PON3: variants seen among roughly 807,000 people sequenced by gnomAD.
The protein encoded by PON3 is paraoxonase 3, also known as serum paraoxonase/lactonase 3.
PON3 carries 37 observed loss-of-function variants against 36.3 expected under a neutral mutation model. The ratio of observed to expected loss-of-function variants is 1.02; its 90% CI spans 0.78 to 1.34. The LOEUF (loss-of-function observed/expected upper bound fraction) is 1.34, where lower values mean the gene tolerates loss of function less well. Ranked by LOEUF, PON3 falls within the 40% of genes most tolerant of loss-of-function variation. The pLI is 0.00. For synonymous variants in PON3, 155 were observed against 154.8 expected (o/e 1.00, Z -0.01); for missense variants, 415 against 426.5 (o/e 0.97, Z 0.24).
intron 3 of PON3, among the ~76,000 whole-genome samples, chr7:95,376,970 G>T (rs1319028068): frequency 1.3e-5 from 2 of 152,228 alleles, no homozygotes; most frequent in Non-Finnish European, 2.9e-5. Flanking sequence ...AGTGCAAGGG[G>T]TCAGGGGATT....
rs1401924666 is a variant in PON3, at chr7:95,372,198, A to C, written c.342T>G (p.His114Gln). ...CTTTGTCGATGAAAATACTGATCCC[A>C]TGTGGATTAAATAATTCTTTGTCAA... Reference protein sequence around the residue: ...GGFDKELFNPHGISIFIDKDN... With the variant: ...GGFDKELFNPQGISIFIDKDN... The change falls in exon 4 of 9, where the codon CAT (histidine) becomes CAG (glutamine). Residue 114 changes from histidine to glutamine, a missense_variant. His to Gln is a conservative substitution (Grantham distance 24). Transcript: ENST00000265627. The C allele has an allele frequency of 6.2e-7, 1 of 1,613,800 alleles. No homozygotes were observed. The highest frequency in any genetic ancestry group is 1.3e-5 in the African/African-American group (1 of 75,038).
At chr7:95,393,934 G>A (rs773937994) in intron 2 of PON3, among the ~76,000 whole-genome samples, 9 of 151,946 alleles carry the variant, frequency 5.9e-5, no homozygotes, top group African/African-American at 1.5e-4. Flanking sequence ...TCGCTCTGTC[G>A]CCAGGCTGGA....
chr7:95,380,441 T>G (rs1809021268), intron 3 of PON3, among the ~76,000 whole-genome samples: 1 of 152,090 alleles, frequency 6.6e-6, no homozygotes, highest in Non-Finnish European at 1.5e-5. Flanking sequence ...GACAAAGAAG[T>G]TAAAAACCTT....
At chr7:95,367,528 C>T (rs1421141644) in intron 4 of PON3, 40 bp from the exon 5 acceptor site, 3 of 1,601,626 alleles carry the variant, frequency 1.9e-6, no homozygotes, top group East Asian at 2.2e-5. Flanking sequence ...AAAGTTACCC[C>T]TATCACAACT....
chr7:95,378,588 G>T (rs953061330), intron 3 of PON3, among the ~76,000 whole-genome samples: 1 of 152,142 alleles, frequency 6.6e-6, no homozygotes, highest in Non-Finnish European at 1.5e-5. Context: ...GAAGAGAGTG[G>T]GGGCCAATAT....
chr7:95,395,349 T>G (rs1314589309), intron 1 of PON3, among the ~76,000 whole-genome samples: 24 of 152,228 alleles, frequency 1.6e-4, no homozygotes, highest in Admixed American at 1.6e-3. Context: ...AAAATTTTTA[T>G]TAAAGTATAT....
intron 3 of PON3, among the ~76,000 whole-genome samples, chr7:95,379,836 G>A (rs1355054215): frequency 6.6e-6 from 1 of 152,166 alleles, no homozygotes; most frequent in Non-Finnish European, 1.5e-5. Context: ...GTCCCTATCT[G>A]ACAGCTTTGA....
chr7:95,390,090 A>T, intron 3 of PON3, 64 bp downstream of exon 3: 1 of 1,473,342 alleles, frequency 6.8e-7, no homozygotes, highest in Non-Finnish European at 9.5e-7. Context: ...TCCAGAGGAC[A>T]ACATTAATGC....
At position 95,372,183 on chromosome 7, in the gene PON3, G is replaced by T; in HGVS notation, c.357C>A (p.Phe119Leu). The change falls in exon 4 of 9, where the codon TTC becomes TTA. Residue 119 changes from phenylalanine (F) to leucine (L), a missense_variant. Phe to Leu is a conservative substitution (Grantham distance 22). Coordinates refer to ENST00000265627, the MANE Select transcript of PON3 (RefSeq NM_000940.3). ...ACATACAGGTTTTACCTTTGTCGATGAAAATACTGATCCCATGTGGATTAA... is the reference window on the plus strand; with the variant it reads ...ACATACAGGTTTTACCTTTGTCGATTAAAATACTGATCCCATGTGGATTAA... ...ELFNPHGISI[F>L]IDKDNTVYLY... 1 of 1,613,512 alleles carries T rather than the reference G, an allele frequency of 6.2e-7. No homozygotes were observed. The highest frequency in any genetic ancestry group is 8.5e-7 in the Non-Finnish European group (1 of 1,179,550).
In PON3 at chr7:95,372,233, T is replaced by G. The variant is rs1314959925; in HGVS notation, c.307A>C (p.Ser103Arg). 4.3e-6 allele frequency: 7 copies of G among 1,613,752 alleles called. No homozygotes were observed. The highest frequency in any genetic ancestry group is 4.0e-5 in the African/African-American group (3 of 74,922). ...AATAATTCTTTGTCAAATCCACCAC[T>G]GATTTCTAGCGCTTGTGCCCTTGGG... is the stretch of plus-strand genomic sequence containing the variant. ...QNPRAQALEI[S>R]GGFDKELFNP... The change falls in exon 4 of 9, where the codon AGT becomes CGT. Residue 103 changes from serine (S) to arginine (R), a missense_variant. Ser to Arg is a moderately radical substitution (Grantham distance 110, BLOSUM62 -1). Coordinates refer to ENST00000265627, the MANE Select transcript of PON3 (RefSeq NM_000940.3).
intron 2 of PON3, among the ~76,000 whole-genome samples, chr7:95,392,688 G>C (rs1809344184): frequency 6.6e-6 from 1 of 152,232 alleles, no homozygotes; most frequent in Non-Finnish European, 1.5e-5. Context: ...AACCTAAGCA[G>C]AATGTTTTGG....
At chr7:95,383,257 G>T (rs934141069) in intron 3 of PON3, among the ~76,000 whole-genome samples, 2 of 152,002 alleles carry the variant, frequency 1.3e-5, no homozygotes, top group African/African-American at 4.8e-5. Flanking sequence ...TACTGAATGG[G>T]CAAAAACTGG....
chr7:95,394,485 C>T (rs1028435389), intron 2 of PON3, among the ~76,000 whole-genome samples, 159 bp downstream of exon 2: 1 of 152,140 alleles, frequency 6.6e-6, no homozygotes, highest in African/African-American at 2.4e-5. Context: ...TCATTTAGTA[C>T]ACCCCTGAAG....
chr7:95,394,222 G>A (rs1809381019), intron 2 of PON3, among the ~76,000 whole-genome samples: 2 of 152,078 alleles, frequency 1.3e-5, no homozygotes, highest in African/African-American at 4.8e-5. Context: ...GAGGGGAGGG[G>A]CTGAGTCATA....
chr7:95,362,292 C>A, intron 8 of PON3, 70 bp downstream of exon 8: 6 of 1,588,320 alleles, frequency 3.8e-6, no homozygotes, highest in Non-Finnish European at 5.2e-6. Flanking sequence ...GGCTTAAATT[C>A]TTCCAAGTCA....
In PON3 at chr7:95,362,350, A is replaced by G. The variant is rs1040580964; in HGVS notation, c.906+12T>C. The G allele has an allele frequency of 4.3e-6, 7 of 1,613,376 alleles. No individual in the cohort carries two copies. In the African/African-American group the frequency reaches 9.3e-5, roughly 22 times the overall value. ...GCTTTGCCTGTGAGCTCAGAGAGGT[A>G]TAGGAACTTACTTCTGATCCTGGAG... is the stretch of plus-strand genomic sequence containing the variant. On this transcript the variant is annotated intron_variant, in intron 8 of 8. Coordinates refer to ENST00000265627, the MANE Select transcript of PON3 (RefSeq NM_000940.3).
At chr7:95,370,735 A>G (rs563655412) in intron 4 of PON3, among the ~76,000 whole-genome samples, 1 of 152,336 alleles carries the variant, frequency 6.6e-6, no homozygotes, top group East Asian at 1.9e-4. Context: ...CAAAAATAAT[A>G]TTGGAAACTA....
intron 8 of PON3, among the ~76,000 whole-genome samples, chr7:95,361,135 G>T (rs185294668): frequency 1.6e-3 from 250 of 152,218 alleles, no homozygotes; most frequent in African/African-American, 5.6e-3. Flanking sequence ...ACTCTTAGGG[G>T]TACATATCTG....
intron 2 of PON3, 64 bp downstream of exon 2, chr7:95,394,580 C>T: frequency 7.0e-7 from 1 of 1,424,386 alleles, no homozygotes; most frequent in Non-Finnish European, 9.9e-7. Flanking sequence ...GCTGGTAGGG[C>T]TCAGTCAGGT....
Sources: allele counts gnomAD v4.1 joint callset (sites outside exome capture counted in the v4.1 genomes callset), GRCh38; gene constraint gnomAD v4.1.1; transcripts MANE v1.5; gene names NCBI Gene and HGNC (gene_info 2026-07-23, HGNC 2026-07-21).